Variants in GRIK2 observed in about 807,000 individuals in gnomAD.
GRIK2 encodes glutamate ionotropic receptor kainate type subunit 2.
Under a neutral mutation model 100.3 loss-of-function variants are expected in GRIK2, and 32 were observed. The ratio of observed to expected loss-of-function variants is 0.32; its 90% CI spans 0.24 to 0.43. GRIK2 has a LOEUF of 0.43. Ranked by LOEUF, GRIK2 falls within the 20% of genes least tolerant of loss-of-function variation. GRIK2 has a pLI of 1.00. For missense variants in GRIK2, 843 were observed against 1,114.9 expected, an observed-to-expected ratio of 0.76 and a Z score of 3.47; for synonymous variants, 417 against 389.4, an observed-to-expected ratio of 1.07 and a Z score of -0.83.
chr6:101,648,151 C>T (rs1195641408), intron 4 of GRIK2, among the ~76,000 whole-genome samples: 1 of 151,962 alleles, frequency 6.6e-6, no homozygotes, highest in African/African-American at 2.4e-5. Context: ...ATGTTTCAGA[C>T]TTGCAGTAAA....
intron 9 of GRIK2, among the ~76,000 whole-genome samples, chr6:101,815,628 A>AAG (rs1781587709): frequency 6.6e-6 from 1 of 152,016 alleles, no homozygotes; most frequent in East Asian, 1.9e-4. Flanking sequence ...GCTAAAAAAA[A>AAG]AAAAAAGTAT....
chr6:101,781,883 G>A (rs968205385), intron 7 of GRIK2, among the ~76,000 whole-genome samples: 41 of 151,624 alleles, frequency 2.7e-4, no homozygotes, highest in African/African-American at 9.7e-4. Flanking sequence ...CACAATTCTG[G>A]AGGTTGAAAG....
intron 12 of GRIK2, among the ~76,000 whole-genome samples, chr6:101,900,470 C>T (rs1344118315): frequency 2.0e-5 from 3 of 152,046 alleles, no homozygotes; most frequent in Non-Finnish European, 4.4e-5. Context: ...ACAACAACTA[C>T]AAAATATATA....
intron 2 of GRIK2, among the ~76,000 whole-genome samples, chr6:101,541,693 A>C (rs1174514052): frequency 6.6e-6 from 1 of 152,100 alleles, no homozygotes; most frequent in Non-Finnish European, 1.5e-5. Flanking sequence ...AAAACAGTTT[A>C]GAAGCTTATG....
chr6:101,882,502 G>T (rs1256416188), intron 11 of GRIK2, among the ~76,000 whole-genome samples: 2 of 151,860 alleles, frequency 1.3e-5, no homozygotes, highest in Non-Finnish European at 2.9e-5. Context: ...GAAATTATTA[G>T]CAGGCTTATT....
intron 11 of GRIK2, among the ~76,000 whole-genome samples, chr6:101,874,061 A>G (rs1669359662): frequency 6.6e-6 from 1 of 152,078 alleles, no homozygotes; most frequent in Non-Finnish European, 1.5e-5. Flanking sequence ...GTTCACTCTG[A>G]TAGTAGTTTC....
intron 10 of GRIK2, among the ~76,000 whole-genome samples, chr6:101,857,623 ACT>A (rs1483552138): frequency 6.6e-6 from 1 of 151,978 alleles, no homozygotes; most frequent in Non-Finnish European, 1.5e-5. Context: ...AACTTTTCTC[ACT>A]CTGTAATAGC....
intron 10 of GRIK2, among the ~76,000 whole-genome samples, chr6:101,858,885 A>G (rs1784587916): frequency 6.6e-6 from 1 of 151,956 alleles, no homozygotes; most frequent in Non-Finnish European, 1.5e-5. Context: ...GAAACAGCAT[A>G]CCAGATATTG....
chr6:102,043,270 A>C (rs1372536898), intron 15 of GRIK2, among the ~76,000 whole-genome samples: 2 of 133,246 alleles, frequency 1.5e-5, no homozygotes, highest in Non-Finnish European at 1.6e-5. Flanking sequence ...ATCACCTCAG[A>C]TACTTTTTTA....
intron 2 of GRIK2, among the ~76,000 whole-genome samples, chr6:101,560,271 A>T (rs1776939297): frequency 6.6e-6 from 1 of 152,112 alleles, no homozygotes; most frequent in Non-Finnish European, 1.5e-5. Context: ...TTATCTTGAA[A>T]ATATTTTTTA....
chr6:101,708,538 T>C (rs1773491837), intron 7 of GRIK2, among the ~76,000 whole-genome samples: 1 of 151,736 alleles, frequency 6.6e-6, no homozygotes, highest in Admixed American at 6.6e-5. Context: ...ATTGTCACTC[T>C]TTAAAATTTA....
intron 7 of GRIK2, among the ~76,000 whole-genome samples, chr6:101,710,365 G>T (rs1309797545): frequency 6.6e-6 from 1 of 151,838 alleles, no homozygotes. Flanking sequence ...GTTCTCATCA[G>T]TCAAATGGGC....
chr6:101,993,825 T>C (rs1794503764), intron 14 of GRIK2: 1 of 147,850 alleles, frequency 6.8e-6, no homozygotes. Flanking sequence ...TAAAAATAAA[T>C]ATATATGTTC....
chr6:101,866,551 A>G (rs1282411154), intron 11 of GRIK2, among the ~76,000 whole-genome samples: 4 of 152,158 alleles, frequency 2.6e-5, no homozygotes, highest in Non-Finnish European at 5.9e-5. Flanking sequence ...ATTTTTCTCC[A>G]AAAAATTTTT....
chr6:101,651,305 G>T (rs1461690890), intron 4 of GRIK2, among the ~76,000 whole-genome samples: 1 of 152,062 alleles, frequency 6.6e-6, no homozygotes, highest in Non-Finnish European at 1.5e-5. Context: ...TGGACTACAA[G>T]CTTCTGAAGA....
chr6:101,931,572 T>C (rs1405986266), intron 14 of GRIK2, among the ~76,000 whole-genome samples: 2 of 152,142 alleles, frequency 1.3e-5, no homozygotes, highest in South Asian at 2.1e-4. Context: ...TTCTTCAACA[T>C]CGAATAATTC....
chr6:101,798,878 A>G (rs900913488), intron 7 of GRIK2, among the ~76,000 whole-genome samples: 6 of 152,096 alleles, frequency 3.9e-5, no homozygotes, highest in African/African-American at 7.2e-5. Flanking sequence ...TTTATCATCA[A>G]CCTCCAAAGT....
intron 2 of GRIK2, among the ~76,000 whole-genome samples, chr6:101,583,353 G>A (rs1288352441): frequency 6.6e-6 from 1 of 152,102 alleles, no homozygotes; most frequent in African/African-American, 2.4e-5. Context: ...GGCTTTTGGA[G>A]CAAAAAGTTG....
intron 7 of GRIK2, among the ~76,000 whole-genome samples, chr6:101,746,530 T>C (rs904506226): frequency 6.6e-6 from 1 of 152,142 alleles, no homozygotes; most frequent in Non-Finnish European, 1.5e-5. Flanking sequence ...TTTCACCATG[T>C]TGGCCAGGCT....
Sources: gnomAD v4.1 joint callset for allele counts (sites outside exome capture counted in the v4.1 genomes callset) on GRCh38, gnomAD v4.1.1 for gene constraint, MANE v1.5 for transcripts, NCBI Gene and HGNC (gene_info 2026-07-23, HGNC 2026-07-21) for gene names.